PDE10A: variants seen among roughly 807,000 people sequenced by gnomAD.
The protein encoded by PDE10A is phosphodiesterase 10A, also known as cAMP and cAMP-inhibited cGMP 3',5'-cyclic phosphodiesterase 10A.
PDE10A carries 39 observed loss-of-function variants against 97.7 expected under a neutral mutation model. That is an observed-to-expected ratio of 0.40 (90% CI 0.31 to 0.52). PDE10A has a LOEUF of 0.52. Among genes scored for constraint, PDE10A ranks in the 20% least tolerant of loss-of-function variants. PDE10A has a pLI of 0.56. For missense variants in PDE10A, 731 were observed against 1,047.8 expected, an observed-to-expected ratio of 0.70 and a Z score of 4.17; for synonymous variants, 371 against 376.8, an observed-to-expected ratio of 0.98 and a Z score of 0.18.
At chr6:165,455,989 A>G (rs1777932350) in intron 3 of PDE10A, among the ~76,000 whole-genome samples, 1 of 152,220 alleles carries the variant, frequency 6.6e-6, no homozygotes, top group Admixed American at 6.5e-5. Context: ...TGACTCTAAA[A>G]TATGACAGCA....
At chr6:165,470,748 G>A (rs1187843340) in intron 3 of PDE10A, among the ~76,000 whole-genome samples, 5 of 152,062 alleles carry the variant, frequency 3.3e-5, no homozygotes, top group African/African-American at 1.2e-4. Flanking sequence ...AGCTGCAATA[G>A]GGAGGACCTG....
intron 1 of PDE10A, among the ~76,000 whole-genome samples, chr6:165,743,292 A>G (rs1395136211): frequency 6.6e-6 from 1 of 152,214 alleles, no homozygotes; most frequent in Non-Finnish European, 1.5e-5. Context: ...GTGTTCCCAT[A>G]TGCCCATCAC....
intron 1 of PDE10A, among the ~76,000 whole-genome samples, chr6:165,686,861 G>C (rs748216721): frequency 6.6e-6 from 1 of 152,196 alleles, no homozygotes; most frequent in Middle Eastern, 3.2e-3. Context: ...TTACCTAAAC[G>C]TGTGAGCTGC....
intron 1 of PDE10A, among the ~76,000 whole-genome samples, chr6:165,716,197 T>C (rs763860198): frequency 6.6e-6 from 1 of 152,212 alleles, no homozygotes; most frequent in South Asian, 2.1e-4. Context: ...CAAGGAGCTC[T>C]GGGTTCCGAG....
At chr6:165,492,987 G>A (rs1275965115) in intron 2 of PDE10A, among the ~76,000 whole-genome samples, 1 of 152,118 alleles carries the variant, frequency 6.6e-6, no homozygotes, top group Non-Finnish European at 1.5e-5. Flanking sequence ...ATTCAGCAAA[G>A]TTTCAGGATA....
intron 1 of PDE10A, among the ~76,000 whole-genome samples, chr6:165,608,159 C>T (rs1355102348): frequency 6.6e-6 from 1 of 150,456 alleles, no homozygotes; most frequent in Non-Finnish European, 1.5e-5. Context: ...ATGTGCACAA[C>T]GTGCAGGTTT....
intron 1 of PDE10A, among the ~76,000 whole-genome samples, chr6:165,896,209 C>T (rs1383759106): frequency 5.3e-5 from 8 of 152,240 alleles, no homozygotes; most frequent in South Asian, 2.1e-4. Flanking sequence ...GGGACTCTGT[C>T]GAAGCCGTTT....
chr6:165,728,381 T>C (rs1792349027), intron 1 of PDE10A, among the ~76,000 whole-genome samples: 1 of 152,238 alleles, frequency 6.6e-6, no homozygotes, highest in Non-Finnish European at 1.5e-5. Flanking sequence ...CTCCCTTCAG[T>C]AGGGACATGC....
At position 165,531,719 on chromosome 6, in the gene PDE10A, A is replaced by G. The variant is rs1306318083; in HGVS notation, c.994+11721T>C. Among the ~76,000 whole-genome samples the G allele has an allele frequency of 7.9e-5, 12 of 151,974 alleles. No homozygotes were observed. The East Asian group carries it at 2.3e-3, about 29-fold the overall frequency. On this transcript the variant is annotated intron_variant, in intron 2 of 21. Coordinates refer to ENST00000539869, the MANE Select transcript of PDE10A (RefSeq NM_001385079.1). The stretch of plus-strand genomic sequence containing the variant: ...TATTAGCATTTATGTGTTGATTATT[A>G]TCTCACAGAAAAGAATTATATATAG...
At chr6:165,837,850 T>C (rs1410564395) in intron 1 of PDE10A, among the ~76,000 whole-genome samples, 1 of 152,000 alleles carries the variant, frequency 6.6e-6, no homozygotes, top group Non-Finnish European at 1.5e-5. Flanking sequence ...CACACCCGGC[T>C]AATTTTTTGT....
chr6:165,933,533 C>A (rs1205799706), intron 1 of PDE10A, among the ~76,000 whole-genome samples: 1 of 152,136 alleles, frequency 6.6e-6, no homozygotes, highest in South Asian at 2.1e-4. Context: ...AAAAGCATTG[C>A]TTCTCATTTT....
intron 1 of PDE10A, among the ~76,000 whole-genome samples, chr6:165,742,555 A>G (rs1438123419): frequency 1.3e-5 from 2 of 152,172 alleles, no homozygotes; most frequent in African/African-American, 4.8e-5. Context: ...AGACAGCAGC[A>G]TGGCAGGTGG....
intron 1 of PDE10A, chr6:165,947,096 C>T (rs1783796369): frequency 6.6e-6 from 1 of 152,166 alleles, no homozygotes; most frequent in Non-Finnish European, 1.5e-5. Flanking sequence ...TCCTAATCTA[C>T]CACAGCTTCT....
chr6:165,574,602 CT>C (rs1169283337), intron 1 of PDE10A, among the ~76,000 whole-genome samples: 1 of 152,190 alleles, frequency 6.6e-6, no homozygotes, highest in Admixed American at 6.5e-5. Flanking sequence ...ACACTTGCTA[CT>C]TGAAAACTAA....
intron 1 of PDE10A, among the ~76,000 whole-genome samples, chr6:165,550,997 T>C (rs538683117): frequency 3.9e-5 from 6 of 152,350 alleles, no homozygotes; most frequent in African/African-American, 1.4e-4. Flanking sequence ...TTTATATTTC[T>C]GTATAAATAA....
At chr6:165,371,079 A>T (rs1446462133) in intron 18 of PDE10A, among the ~76,000 whole-genome samples, 1 of 148,950 alleles carries the variant, frequency 6.7e-6, no homozygotes, top group Non-Finnish European at 1.5e-5. Context: ...CATTCAAAGC[A>T]GTGTGTAGAG....
chr6:165,602,786 C>T (rs968420613), intron 1 of PDE10A, among the ~76,000 whole-genome samples: 9 of 152,140 alleles, frequency 5.9e-5, no homozygotes, highest in African/African-American at 2.2e-4. Context: ...TGCCTACCTA[C>T]TTGATGATAG....
At chr6:165,657,718 G>C (rs1790037470) in intron 1 of PDE10A, among the ~76,000 whole-genome samples, 1 of 152,146 alleles carries the variant, frequency 6.6e-6, no homozygotes, top group Non-Finnish European at 1.5e-5. Flanking sequence ...TCTCATGCAG[G>C]TTTCTCAAAA....
chr6:165,585,269 TAAG>T (rs954729719), intron 1 of PDE10A, among the ~76,000 whole-genome samples: 7 of 152,344 alleles, frequency 4.6e-5, no homozygotes, highest in Admixed American at 1.3e-4. Flanking sequence ...AGTCATAGTT[TAAG>T]AAGAAGTATA....
Sources: allele counts gnomAD v4.1 joint callset (sites outside exome capture counted in the v4.1 genomes callset), GRCh38; gene constraint gnomAD v4.1.1; transcripts MANE v1.5; gene names NCBI Gene and HGNC (gene_info 2026-07-23, HGNC 2026-07-21).